The following ARRDC2 variants were observed in gnomAD, a reference collection of about 807,000 sequenced individuals.
The protein encoded by ARRDC2 is arrestin domain containing 2.
In ARRDC2, 39 loss-of-function variants were observed where a neutral mutation model predicts 38.9. The observed-to-expected ratio is 1.00, with a 90% CI of 0.78 to 1.31. The LOEUF (loss-of-function observed/expected upper bound fraction) is 1.31. ARRDC2 is among the 50% of genes most tolerant of loss of function. The pLI, the probability that ARRDC2 is intolerant of heterozygous loss-of-function variation, is 0.00. For synonymous variants in ARRDC2, 300 were observed against 261.9 expected (o/e 1.15, Z -1.41); for missense variants, 553 against 588.4 (o/e 0.94, Z 0.62).
At chr19:18,003,026 G>C (rs954227097) in intron 1 of ARRDC2, among the ~76,000 whole-genome samples, 1 of 152,076 alleles carries the variant, frequency 6.6e-6, no homozygotes, top group African/African-American at 2.4e-5. Context: ...CTTGAACCCG[G>C]CAGGCGGAGA....
At chr19:18,001,138 A>T in exon 1 of ARRDC2, 5 of 585,708 alleles carry the variant, frequency 8.5e-6, no homozygotes, top group Non-Finnish European at 9.2e-6. Context: ...AGGACCAGGA[A>T]GTTCGCCGAC....
chr19:18,012,395 T>C (rs1022605662), intron 7 of ARRDC2, among the ~76,000 whole-genome samples: 26 of 150,646 alleles, frequency 1.7e-4, no homozygotes, highest in Admixed American at 1.1e-3. Context: ...GAGACCAGCC[T>C]GGCCAACATG....
chr19:18,005,479 A>C (rs985005516), upstream of ARRDC2, among the ~76,000 whole-genome samples: 2 of 152,078 alleles, frequency 1.3e-5, no homozygotes, highest in East Asian at 1.9e-4. Context: ...CATTGTCATC[A>C]TGGCCCGTTC....
intron 3 of ARRDC2, 22 bp downstream of exon 3, chr19:18,009,140 G>C: frequency 6.2e-7 from 1 of 1,611,890 alleles, no homozygotes; most frequent in Non-Finnish European, 8.5e-7. Context: ...CCCTTGGGGA[G>C]GTAGGTTGGG....
rs193023140 is a variant in ARRDC2, at chr19:18,013,319, G to A, written c.*353G>A. On this transcript the variant is annotated 3_prime_UTR_variant, in exon 8 of 8. Transcript: ENST00000222250. ...AGACAGTTCCAGCATCACAGAACCA[G>A]AAGAAGAGACCTGCAACTGTGAGAG... 76 of 227,186 alleles carry A rather than the reference G, an allele frequency of 3.3e-4. No homozygotes were observed. In the Admixed American group the frequency reaches 3.7e-3, roughly 11 times the overall value. 14.1% of individuals were successfully genotyped at this position (227,186 alleles called of 1,614,324 possible). A position where few individuals can be genotyped will look rare whatever the true frequency, so the allele number is the denominator to read the frequency against.
rs780715164 is a variant in ARRDC2 at position 18,009,011 on chromosome 19, C to T, written c.382C>T (p.Arg128Cys). The T allele has an allele frequency of 8.7e-6, 14 of 1,613,654 alleles. No homozygotes were observed. Among genetic ancestry groups the T allele is most frequent in the Middle Eastern group, 1.6e-4 (1 of 6,084 alleles). ...TSFEGKHGSV[R>C]YCIKATLHRP... ...CTTCGAGGGCAAACACGGTAGTGTC[C>T]GCTACTGTATCAAGGCCACCCTGCA... The change falls in exon 3 of 8, where the codon CGC becomes TGC. Residue 128 changes from arginine to cysteine, a missense_variant. Arg to Cys is a radical substitution (Grantham distance 180). Around this residue, in one of 3 missense-constraint regions of ARRDC2, gnomAD observed 447 missense variants for 456.6 expected, o/e 0.98. Transcript: ENST00000222250.
upstream of ARRDC2, among the ~76,000 whole-genome samples, chr19:18,005,601 G>T (rs1489966631): frequency 6.6e-6 from 1 of 150,540 alleles, no homozygotes; most frequent in Non-Finnish European, 1.5e-5. Context: ...CCCGGACGGG[G>T]CGGCTGGCCG....
In ARRDC2 at chr19:18,009,871, C is replaced by G. The variant is rs752911818; in HGVS notation, c.681C>G (p.Phe227Leu). 3 of 1,611,738 alleles carry G rather than the reference C, an allele frequency of 1.9e-6. No homozygotes were observed. The Admixed American group carries it at 5.0e-5, about 27-fold the overall frequency. ...PRAAVVQTQT[F>L]MARGARKQKR... ...CAGCCGTGGTGCAGACACAGACGTTCATGGCCCGAGGCGCCCGAAAGCAGA... is the reference window on the plus strand; with the variant it reads ...CAGCCGTGGTGCAGACACAGACGTTGATGGCCCGAGGCGCCCGAAAGCAGA... Residue 227 changes from phenylalanine to leucine, a missense_variant, in exon 5 of 8, where the codon TTC becomes TTG. Phe to Leu is a conservative substitution (Grantham distance 22). Transcript: ENST00000222250.
At chr19:18,002,270 G>C (rs1688878452) in intron 1 of ARRDC2, among the ~76,000 whole-genome samples, 1 of 152,220 alleles carries the variant, frequency 6.6e-6, no homozygotes, top group Non-Finnish European at 1.5e-5. Flanking sequence ...CCGGTGAGGA[G>C]GTGGAAATGC....
chr19:18,008,115 G>GTGGCC, upstream of ARRDC2: 6 of 810,032 alleles, frequency 7.4e-6, no homozygotes, highest in South Asian at 1.8e-5. Flanking sequence ...AAGAGACGGT[G>GTGGCC]ACCCCACCCC....
intron 2 of ARRDC2, 48 bp downstream of exon 2, chr19:18,008,825 A>T: frequency 6.2e-7 from 1 of 1,607,966 alleles, no homozygotes; most frequent in Non-Finnish European, 8.5e-7. Context: ...AGCCCCTTCC[A>T]GATTGGTACC....
upstream of ARRDC2, among the ~76,000 whole-genome samples, chr19:18,004,042 G>A (rs1412925560): frequency 6.6e-6 from 1 of 150,980 alleles, no homozygotes; most frequent in Non-Finnish European, 1.5e-5. Flanking sequence ...CAAAATGCTT[G>A]GCTTACAGGC....
chr19:18,001,786 T>C (rs572790998), intron 1 of ARRDC2, among the ~76,000 whole-genome samples: 1 of 152,128 alleles, frequency 6.6e-6, no homozygotes, highest in East Asian at 1.9e-4. Flanking sequence ...CTCCAAAAAC[T>C]ACAAAAATTA....
exon 1 of ARRDC2, chr19:18,001,191 G>C (rs921705408): frequency 9.9e-7 from 1 of 1,005,820 alleles, no homozygotes; most frequent in Non-Finnish European, 1.2e-6. Flanking sequence ...CAAGTTCGCC[G>C]GGGGGGCCCG....
At chr19:18,008,652 C>A in intron 1 of ARRDC2, 59 bp from the exon 2 acceptor site, 1 of 1,605,330 alleles carries the variant, frequency 6.2e-7, no homozygotes, top group Non-Finnish European at 8.5e-7. Context: ...GCGGTACCTC[C>A]GTCAGCCCTG....
rs1451031756 is a variant in ARRDC2, at chr19:18,013,141, C to G, written c.*175C>G. The G allele has an allele frequency of 7.7e-6, 5 of 646,838 alleles. No individual in the cohort carries two copies. The highest frequency in any genetic ancestry group is 1.3e-5 in the Non-Finnish European group (5 of 382,496). The allele number at this position is 646,838 out of a possible 1,614,324, so 40.1% of individuals were successfully genotyped here. A position where few individuals can be genotyped will look rare whatever the true frequency, so the allele number is the denominator to read the frequency against. On this transcript the variant is annotated 3_prime_UTR_variant, in exon 8 of 8. Coordinates refer to ENST00000222250, the MANE Select transcript of ARRDC2 (RefSeq NM_015683.2). ...CACATGGGACAGAGGAAGAGCCCGG[C>G]TGGAATCTGACTTACCTGGACCGCT...
In ARRDC2 at chr19:18,002,795, C is replaced by T. The variant is rs151283133; in HGVS notation, c.259+1222C>T. Among the ~76,000 whole-genome samples, 979 of 152,262 alleles carry T rather than the reference C, an allele frequency of 6.4e-3. 15 individuals carry two copies. Among genetic ancestry groups the T allele is most frequent in the African/African-American group, 0.023 (936 of 41,550 alleles). ...GAAGGCCGGCCCAGACACTCAACGG[C>T]GACTTCCTTAAAACACTGGAGAGGC... On this transcript the variant is annotated intron_variant, in intron 1 of 7. Transcript: ENST00000379656.
At chr19:18,001,273 C>G (rs779637099) in exon 1 of ARRDC2, 1 of 1,179,234 alleles carries the variant, frequency 8.5e-7, no homozygotes, top group Non-Finnish European at 1.0e-6. Context: ...GGGCCGTGTG[C>G]CTTCTCTCCG....
At chr19:18,005,998 G>A (rs2033269005), upstream of ARRDC2, among the ~76,000 whole-genome samples, 2 of 151,474 alleles carry the variant, frequency 1.3e-5, no homozygotes, top group Admixed American at 1.3e-4. Flanking sequence ...GGGGCGGCGG[G>A]GCAGAGGCGC....
Sources: gnomAD v4.1 joint callset for allele counts (sites outside exome capture counted in the v4.1 genomes callset) on GRCh38, gnomAD v4.1.1 for gene constraint, gnomAD v4.1.1 regional missense constraint, MANE v1.5 for transcripts, NCBI Gene and HGNC (gene_info 2026-07-23, HGNC 2026-07-21) for gene names.